Variants in ARHGAP44 observed in about 807,000 individuals in gnomAD.
The protein encoded by ARHGAP44 is rho GTPase-activating protein 44.
In ARHGAP44, 43 loss-of-function variants were observed where a neutral mutation model predicts 106.8. That is an observed-to-expected ratio of 0.40 (90% CI 0.32 to 0.52). The LOEUF (loss-of-function observed/expected upper bound fraction) is 0.52, where lower values mean the gene tolerates loss of function less well. ARHGAP44 is among the 20% of genes least tolerant of loss of function. ARHGAP44 has a pLI of 0.48. For missense variants in ARHGAP44, 866 were observed against 1,050.5 expected (o/e 0.82, Z 2.43); for synonymous variants, 439 against 410.3 (o/e 1.07, Z -0.85).
chr17:12,921,170 G>T (rs1197121251), intron 6 of ARHGAP44, among the ~76,000 whole-genome samples: 3 of 151,812 alleles, frequency 2.0e-5, no homozygotes, highest in Admixed American at 1.3e-4. Flanking sequence ...AGGTTCAAGT[G>T]GTTCTCCTGC....
chr17:12,957,169 G>A (rs2039151120), intron 15 of ARHGAP44, among the ~76,000 whole-genome samples: 1 of 152,064 alleles, frequency 6.6e-6, no homozygotes. Flanking sequence ...TGTCGCTCAG[G>A]CTGGTCTTGA....
At chr17:12,810,512 A>G (rs1235376015) in intron 1 of ARHGAP44, among the ~76,000 whole-genome samples, 1 of 152,174 alleles carries the variant, frequency 6.6e-6, no homozygotes, top group African/African-American at 2.4e-5. Flanking sequence ...AGAAAGGACA[A>G]CCATGTGACA....
intron 1 of ARHGAP44, among the ~76,000 whole-genome samples, chr17:12,810,012 G>T (rs370721793): frequency 2.1e-4 from 32 of 152,248 alleles, no homozygotes; most frequent in African/African-American, 7.5e-4. Flanking sequence ...TCATCAGCAG[G>T]GGGGTGGAAC....
intron 1 of ARHGAP44, among the ~76,000 whole-genome samples, chr17:12,845,053 A>G (rs185788168): frequency 6.6e-6 from 1 of 152,246 alleles, no homozygotes; most frequent in African/African-American, 2.4e-5. Flanking sequence ...TCAATTCTGA[A>G]TCTTGGAGGG....
At chr17:12,849,299 T>G (rs1006289016) in intron 1 of ARHGAP44, among the ~76,000 whole-genome samples, 1 of 152,004 alleles carries the variant, frequency 6.6e-6, no homozygotes, top group Non-Finnish European at 1.5e-5. Context: ...AAGCGCTGGG[T>G]GAAGCCAACA....
At chr17:12,984,351 T>C (rs971565595) in intron 19 of ARHGAP44, 180 bp from the exon 20 acceptor site, 13 of 508,304 alleles carry the variant, frequency 2.6e-5, no homozygotes, top group African/African-American at 6.0e-5. Flanking sequence ...TTTTTAAAAA[T>C]TGTATTGGCT....
Position 12,991,047 on chromosome 17 carries a change from CGTTACCCAAA to C in ARHGAP44, c.*878_*887del. The C allele has an allele frequency of 6.5e-6, 1 of 152,762 alleles. No homozygotes were observed. Among genetic ancestry groups the C allele is most frequent in the East Asian group, 1.9e-4 (1 of 5,172 alleles). The allele number at this position is 152,762 out of a possible 1,614,324, so 9.5% of individuals were successfully genotyped here. On this transcript the variant is annotated 3_prime_UTR_variant, in exon 21 of 21. Coordinates refer to ENST00000379672, the MANE Select transcript of ARHGAP44 (RefSeq NM_014859.6). The stretch of plus-strand genomic sequence containing the variant: ...GGTTCAAACTGAATAGCAATAATTA[CGTTACCCAAA>C]GCATGTGGAGGAAAAGTGAAACCAG...
intron 16 of ARHGAP44, among the ~76,000 whole-genome samples, chr17:12,960,073 G>A (rs562186602): frequency 6.6e-6 from 1 of 152,262 alleles, no homozygotes; most frequent in African/African-American, 2.4e-5. Flanking sequence ...CTGGGATGAC[G>A]GTCAAGCTTT....
intron 10 of ARHGAP44, among the ~76,000 whole-genome samples, chr17:12,947,017 A>G (rs2038868656): frequency 6.6e-6 from 1 of 152,112 alleles, no homozygotes; most frequent in Admixed American, 6.5e-5. Context: ...TTAGTAACAA[A>G]TAGGTTCAAG....
At chr17:12,881,044 A>ATTTT (rs1387994258) in intron 1 of ARHGAP44, among the ~76,000 whole-genome samples, 10 of 152,166 alleles carry the variant, frequency 6.6e-5, no homozygotes, top group African/African-American at 2.4e-4. Flanking sequence ...CTCCTTTAAA[A>ATTTT]AGTGCTGATC....
chr17:12,879,449 C>T (rs531138762), intron 1 of ARHGAP44, among the ~76,000 whole-genome samples: 50 of 152,070 alleles, frequency 3.3e-4, no homozygotes, highest in African/African-American at 1.1e-3. Flanking sequence ...GTATCTTTTT[C>T]GTTTAATGAC....
At chr17:12,884,177 C>T (rs910772575) in intron 1 of ARHGAP44, among the ~76,000 whole-genome samples, 1 of 152,032 alleles carries the variant, frequency 6.6e-6, no homozygotes, top group African/African-American at 2.4e-5. Context: ...TAGCACAGAG[C>T]TAGATTTTTT....
At chr17:12,832,172 C>G (rs763831496) in intron 1 of ARHGAP44, among the ~76,000 whole-genome samples, 1 of 152,260 alleles carries the variant, frequency 6.6e-6, no homozygotes, top group East Asian at 1.9e-4. Flanking sequence ...AAATCAGTCT[C>G]TTCAAAATTT....
At chr17:12,973,432 C>A in intron 17 of ARHGAP44, 113 bp downstream of exon 17, 1 of 1,130,052 alleles carries the variant, frequency 8.8e-7, no homozygotes. Context: ...GTTGCTTGGC[C>A]GACTTATTTG....
chr17:12,877,626 T>C (rs182918878), intron 1 of ARHGAP44, among the ~76,000 whole-genome samples: 1 of 152,228 alleles, frequency 6.6e-6, no homozygotes, highest in African/African-American at 2.4e-5. Flanking sequence ...GGCGGGCGTC[T>C]GTAGTCCCAG....
At chr17:12,908,131 T>C (rs2150938687) in intron 3 of ARHGAP44, among the ~76,000 whole-genome samples, 1 of 152,026 alleles carries the variant, frequency 6.6e-6, no homozygotes, top group East Asian at 1.9e-4. Context: ...TTACTCTTTC[T>C]GGGTTATAAT....
intron 1 of ARHGAP44, among the ~76,000 whole-genome samples, chr17:12,849,921 C>T (rs1330067901): frequency 6.6e-6 from 1 of 151,796 alleles, no homozygotes; most frequent in East Asian, 2.0e-4. Flanking sequence ...TGGGATGATT[C>T]AGTTTGTTTG....
rs894273083 is a variant in ARHGAP44, at chr17:12,973,591, T to TC, written c.1541+274dup. ...AGCAGTGGTGGAGCTGGGGCTAGAC[T>TC]CCAAGTTACAAAAAGAAGGATTCAT... On this transcript the variant is annotated intron_variant, in intron 17 of 20. Coordinates refer to ENST00000379672, the MANE Select transcript of ARHGAP44 (RefSeq NM_014859.6). 7 of 535,904 alleles carry TC rather than the reference T, an allele frequency of 1.3e-5. No homozygotes were observed. The Admixed American group carries it at 2.1e-4, about 16-fold the overall frequency. 33.2% of individuals were successfully genotyped at this position (535,904 alleles called of 1,614,324 possible).
intron 1 of ARHGAP44, among the ~76,000 whole-genome samples, chr17:12,843,903 C>T (rs944685104): frequency 2.0e-4 from 31 of 151,960 alleles, no homozygotes; most frequent in African/African-American, 6.5e-4. Context: ...GTGATCCACC[C>T]ACCTTGACCT....
Sources: allele counts gnomAD v4.1 joint callset (sites outside exome capture counted in the v4.1 genomes callset), GRCh38; gene constraint gnomAD v4.1.1; transcripts MANE v1.5; gene names NCBI Gene and HGNC (gene_info 2026-07-23, HGNC 2026-07-21).